HLCS: variants seen among roughly 807,000 people sequenced by gnomAD.
HLCS encodes the protein biotin--protein ligase.
HLCS carries 53 observed loss-of-function variants against 75.0 expected under a neutral mutation model. The observed-to-expected ratio is 0.71, with a 90% CI of 0.57 to 0.89. The LOEUF (loss-of-function observed/expected upper bound fraction) is 0.89. Among genes scored for constraint, HLCS ranks in the 40% least tolerant of loss-of-function variants. The pLI is 0.00. For synonymous variants in HLCS, 431 were observed against 428.6 expected (o/e 1.01, Z -0.07); for missense variants, 966 against 1,074.0 (o/e 0.90, Z 1.41).
chr21:36,901,695 T>C (rs2146354877), intron 5 of HLCS, among the ~76,000 whole-genome samples: 1 of 152,290 alleles, frequency 6.6e-6, no homozygotes, highest in African/African-American at 2.4e-5. Context: ...TCTTTAAGTG[T>C]CCCGATTCTG....
chr21:36,954,632 T>C lies in HLCS; in HGVS notation c.330+7404A>G, dbSNP rs150127343. The stretch of plus-strand genomic sequence containing the variant: ...TCAGTCTCAAAAAAAGAAAAAAAAG[T>C]ATAGCACAGACAATTACATACAGTA... On this transcript the variant is annotated intron_variant, in intron 2 of 10. Transcript: ENST00000674895. Among the ~76,000 whole-genome samples, 1,080 of 152,094 alleles carry C rather than the reference T, an allele frequency of 7.1e-3. 15 individuals are homozygous for C. Among genetic ancestry groups the C allele is most frequent in the African/African-American group, 0.024 (1,007 of 41,512 alleles).
intron 6 of HLCS, among the ~76,000 whole-genome samples, chr21:36,779,214 T>A (rs753592827): frequency 6.6e-6 from 1 of 152,008 alleles, no homozygotes; most frequent in African/African-American, 2.4e-5. Flanking sequence ...GTTGAAAAAA[T>A]TCCATGTGTA....
intron 6 of HLCS, among the ~76,000 whole-genome samples, chr21:36,794,493 A>G (rs1327625707): frequency 6.6e-6 from 1 of 152,204 alleles, no homozygotes; most frequent in Non-Finnish European, 1.5e-5. Context: ...GGAGAGGAAC[A>G]AAAAGGTGAC....
chr21:36,903,943 GA>G (rs2065344108), intron 5 of HLCS, among the ~76,000 whole-genome samples: 1 of 152,032 alleles, frequency 6.6e-6, no homozygotes, highest in Admixed American at 6.6e-5. Context: ...TATAAGAAGA[GA>G]AAGAAAGACC....
rs368947121 is a variant in HLCS, at chr21:36,754,252, C to T, written c.2616G>A (p.Arg872=). ...GTCTCGGGGACGCCCGGCATTACCG[C>T]CGTTTGGGGAGGATGAGGTTTCTCA... The part of the protein sequence containing the change: ...DMLRNLILPK[R]R Residue 872 remains arginine, a synonymous_variant, in exon 11 of 11, where the codon CGG becomes CGA. Transcript: ENST00000674895. 1 of 1,613,790 alleles carries T rather than the reference C, an allele frequency of 6.2e-7. No homozygotes were observed. The highest frequency in any genetic ancestry group is 1.3e-5 in the African/African-American group (1 of 74,898).
At chr21:36,886,643 ATGTT>A (rs1361832783) in intron 6 of HLCS, among the ~76,000 whole-genome samples, 1 of 152,080 alleles carries the variant, frequency 6.6e-6, no homozygotes, top group East Asian at 1.9e-4. Context: ...AATGGATTGA[ATGTT>A]TGTGTTCCCT....
At chr21:36,926,319 C>A (rs2245447) in intron 5 of HLCS, among the ~76,000 whole-genome samples, 61,983 of 152,074 alleles carry the variant, frequency 0.41, 12,855 homozygotes, top group Middle Eastern at 0.54. Context: ...TCACAGTTAA[C>A]CCTGGAAGTC....
intron 6 of HLCS, among the ~76,000 whole-genome samples, chr21:36,855,264 C>T (rs1427485062): frequency 6.6e-6 from 1 of 152,032 alleles, no homozygotes; most frequent in Non-Finnish European, 1.5e-5. Flanking sequence ...CGCATGGTGG[C>T]TCACGCCTGT....
At chr21:36,836,466 C>G (rs2146076105) in intron 6 of HLCS, among the ~76,000 whole-genome samples, 1 of 114,420 alleles carries the variant, frequency 8.7e-6, no homozygotes, top group African/African-American at 3.4e-5. Context: ...TCCCCCCTCC[C>G]CCCACCCCAC....
chr21:36,921,513 T>C (rs1210138501), intron 5 of HLCS, among the ~76,000 whole-genome samples: 1 of 152,230 alleles, frequency 6.6e-6, no homozygotes, highest in Admixed American at 6.5e-5. Flanking sequence ...TTAATGCATG[T>C]AGGAGGCAGG....
rs762341755 is a variant in HLCS at position 36,754,203 on chromosome 21, G to A, written c.*43C>T. ...ACAACTCTAAATTAGATTTCCAGAT[G>A]CATGGGCACGGACAGGCAGCCGCGT... On this transcript the variant is annotated 3_prime_UTR_variant, in exon 11 of 11. Coordinates refer to ENST00000674895, the MANE Select transcript of HLCS (RefSeq NM_001352514.2). 5 of 1,592,744 alleles carry A rather than the reference G, an allele frequency of 3.1e-6. No individual in the cohort carries two copies. The highest frequency in any genetic ancestry group is 4.3e-6 in the Non-Finnish European group (5 of 1,162,454).
chr21:36,881,569 C>T (rs566905363), intron 6 of HLCS, among the ~76,000 whole-genome samples: 1 of 152,366 alleles, frequency 6.6e-6, no homozygotes, highest in Admixed American at 6.5e-5. Flanking sequence ...GATGGGACAG[C>T]ACCTGCAGGA....
chr21:36,792,703 T>C (rs570162539), intron 6 of HLCS, among the ~76,000 whole-genome samples: 3 of 152,288 alleles, frequency 2.0e-5, no homozygotes, highest in African/African-American at 7.2e-5. Context: ...GCCCAGTACC[T>C]ATGACAAACA....
intron 6 of HLCS, among the ~76,000 whole-genome samples, chr21:36,794,972 C>A (rs552435719): frequency 2.4e-4 from 36 of 151,992 alleles, no homozygotes; most frequent in Admixed American, 2.2e-3. Context: ...TATGAGACAG[C>A]CCACGGAATC....
chr21:36,939,605 AG>A (rs1205742636), intron 2 of HLCS, among the ~76,000 whole-genome samples: 2 of 152,164 alleles, frequency 1.3e-5, no homozygotes, highest in East Asian at 3.8e-4. Context: ...CCCTGTAAGG[AG>A]GTTCACGTTC....
At chr21:36,929,209 G>A (rs1457941624) in intron 5 of HLCS, among the ~76,000 whole-genome samples, 1 of 152,238 alleles carries the variant, frequency 6.6e-6, no homozygotes, top group African/African-American at 2.4e-5. Flanking sequence ...CTCCGAGAAA[G>A]GGCAGGGAGC....
At chr21:36,756,080 G>A (rs2089557376) in intron 10 of HLCS, among the ~76,000 whole-genome samples, 1 of 152,146 alleles carries the variant, frequency 6.6e-6, no homozygotes, top group Non-Finnish European at 1.5e-5. Flanking sequence ...TGGTGTCCCT[G>A]CAGTTTCTCT....
chr21:36,762,436 G>A (rs760175489), intron 8 of HLCS, among the ~76,000 whole-genome samples: 5 of 152,186 alleles, frequency 3.3e-5, no homozygotes, highest in African/African-American at 7.2e-5. Context: ...GAGAATGGGC[G>A]GCCCAAGGCG....
intron 6 of HLCS, among the ~76,000 whole-genome samples, chr21:36,871,640 A>G (rs567368071): frequency 6.6e-5 from 10 of 152,316 alleles, no homozygotes; most frequent in African/African-American, 2.2e-4. Flanking sequence ...AAATATTGAC[A>G]CTTTACCACA....
Sources: allele counts gnomAD v4.1 joint callset (sites outside exome capture counted in the v4.1 genomes callset), GRCh38; gene constraint gnomAD v4.1.1; transcripts MANE v1.5; gene names NCBI Gene and HGNC (gene_info 2026-07-23, HGNC 2026-07-21).